Variants in ABCC4 observed in about 807,000 individuals in gnomAD.
The protein encoded by ABCC4 is ATP binding cassette subfamily C member 4 (PEL blood group).
Under a neutral mutation model 168.5 loss-of-function variants are expected in ABCC4, and 102 were observed. The observed-to-expected ratio is 0.61, with a 90% CI of 0.52 to 0.71. The LOEUF (loss-of-function observed/expected upper bound fraction) is 0.71. Ranked by LOEUF, ABCC4 falls within the 30% of genes least tolerant of loss-of-function variation. The pLI, the probability that ABCC4 is intolerant of heterozygous loss-of-function variation, is 0.00. For missense variants in ABCC4, 1,402 were observed against 1,605.8 expected (o/e 0.87, Z 2.17); for synonymous variants, 617 against 590.7 (o/e 1.04, Z -0.65).
intron 3 of ABCC4, among the ~76,000 whole-genome samples, chr13:95,240,531 A>AACACACAC (rs56298285): frequency 2.0e-5 from 3 of 149,548 alleles, no homozygotes; most frequent in African/African-American, 7.4e-5. Flanking sequence ...TCCATCTCAA[A>AACACACAC]ACACACACAC....
rs1044106216 is a variant in ABCC4, at chr13:95,097,820, C to T, written c.2536-14530G>A. 4.6e-5 allele frequency among the ~76,000 whole-genome samples: 7 copies of T among 151,640 alleles called. No individual in the cohort carries two copies. The South Asian group carries it at 1.0e-3, about 23-fold the overall frequency. On this transcript the variant is annotated intron_variant, in intron 20 of 30. Transcript: ENST00000645237. The stretch of plus-strand genomic sequence containing the variant: ...AAGTTATATACTCCATAATAACTCA[C>T]TACTAAAATATTACTTCAGAAAGTC...
At chr13:95,170,508 G>A (rs200897768) in intron 14 of ABCC4, 24 bp downstream of exon 14, 11 of 1,516,342 alleles carry the variant, frequency 7.3e-6, no homozygotes, top group Admixed American at 7.2e-5. Context: ...TTGCAAGTTC[G>A]GGAGACCTCT....
chr13:95,156,863 T>C (rs1334754632), intron 19 of ABCC4, among the ~76,000 whole-genome samples: 2 of 151,990 alleles, frequency 1.3e-5, no homozygotes, highest in East Asian at 1.9e-4. Context: ...GAGGCCAAGA[T>C]GGGTGGATCA....
intron 9 of ABCC4, among the ~76,000 whole-genome samples, chr13:95,189,422 T>C (rs12871194): frequency 6.6e-6 from 1 of 152,160 alleles, no homozygotes; most frequent in South Asian, 2.1e-4. Context: ...CGCCCGGCAA[T>C]ATTCTTAATA....
intron 1 of ABCC4, among the ~76,000 whole-genome samples, chr13:95,274,152 T>A (rs1342366909): frequency 6.6e-6 from 1 of 152,242 alleles, no homozygotes; most frequent in Non-Finnish European, 1.5e-5. Flanking sequence ...CTTTAGCTTT[T>A]CACTGTTCTG....
chr13:95,126,916 TA>T (rs944897217), intron 19 of ABCC4, among the ~76,000 whole-genome samples: 10 of 134,468 alleles, frequency 7.4e-5, no homozygotes, highest in African/African-American at 2.7e-4. Flanking sequence ...ATTAAAAAGC[TA>T]GGGGGGAAAT....
Position 95,166,174 on chromosome 13 carries a change from G to A in ABCC4, c.2018C>T (p.Ala673Val), listed in dbSNP as rs768299533. ...TGAACTCACATCTTGGCTCTCCAGAGCACCATCTTTCAAGGAGGGTCTAGA... is the reference window on the plus strand; with the variant it reads ...TGAACTCACATCTTGGCTCTCCAGAACACCATCTTTCAAGGAGGGTCTAGA... ...QSSRPSLKDGALESQDTENVP... is the reference protein window; with the variant it reads ...QSSRPSLKDGVLESQDTENVP... Residue 673 changes from alanine to valine, a missense_variant, in exon 15 of 31, where the codon GCT becomes GTT. Coordinates refer to ENST00000645237, the MANE Select transcript of ABCC4 (RefSeq NM_005845.5). 11 of 1,614,050 alleles carry A rather than the reference G, an allele frequency of 6.8e-6. No homozygotes were observed. In the East Asian group the frequency reaches 2.5e-4, roughly 36 times the overall value.
In ABCC4 at chr13:95,194,924, A is replaced by G. The variant is rs1036545604; in HGVS notation, c.1175T>C (p.Leu392Pro). The change falls in exon 9 of 31, where the codon CTT (leucine) becomes CCT (proline). Residue 392 changes from leucine (L) to proline (P), a missense_variant. Leu to Pro is a moderately conservative substitution (Grantham distance 98). Transcript: ENST00000645237. Reference protein sequence around the residue: ...SIRRIQTFLLLDEISQRNRQL... With the variant: ...SIRRIQTFLLPDEISQRNRQL... ...ACGGTTGCGCTGTGATATCTCATCA[A>G]GTAGCAAAAAGGTCTAAAGAAAATG... 3 of 1,614,022 alleles carry G rather than the reference A, an allele frequency of 1.9e-6. No individual in the cohort carries two copies. The highest frequency in any genetic ancestry group is 2.5e-6 in the Non-Finnish European group (3 of 1,179,950).
At chr13:95,190,636 C>T (rs1047638282) in intron 9 of ABCC4, among the ~76,000 whole-genome samples, 10 of 152,106 alleles carry the variant, frequency 6.6e-5, no homozygotes, top group African/African-American at 1.4e-4. Context: ...GAACCTCAAC[C>T]GTAAAAACTG....
In ABCC4 at chr13:95,255,018, T is replaced by A. The variant is rs1774975080; in HGVS notation, c.75-7265A>T. Among the ~76,000 whole-genome samples the A allele has an allele frequency of 1.3e-5, 2 of 152,204 alleles. 1 individual carries two copies. Among genetic ancestry groups the A allele is most frequent in the South Asian group, 4.1e-4 (2 of 4,826 alleles). Reference sequence around the variant, plus strand: ...TCCATTACGAGTCCATGATATCAACTTCTCAGTTACAAATATAAATATTAA... The same window carrying A: ...TCCATTACGAGTCCATGATATCAACATCTCAGTTACAAATATAAATATTAA... On this transcript the variant is annotated intron_variant, in intron 1 of 30. Coordinates refer to ENST00000645237, the MANE Select transcript of ABCC4 (RefSeq NM_005845.5).
At chr13:95,230,636 G>A (rs59815481) in intron 4 of ABCC4, among the ~76,000 whole-genome samples, 3,925 of 152,162 alleles carry the variant, frequency 0.026, 131 homozygotes, top group East Asian at 0.084. Flanking sequence ...TTAGCCTGGC[G>A]TGGTGGCAGG....
Position 95,247,758 on chromosome 13 carries a change from T to A in ABCC4, c.75-5A>T, listed in dbSNP as rs1026964230. The A allele has an allele frequency of 3.1e-6, 5 of 1,606,028 alleles. No homozygotes were observed. Among genetic ancestry groups the A allele is most frequent in the Non-Finnish European group, 3.4e-6 (4 of 1,172,820 alleles). On this transcript the variant is annotated splice_polypyrimidine_tract_variant and splice_region_variant and intron_variant, in intron 1 of 30. Transcript: ENST00000645237. ...TTAAACAAGGGATTGAGCCACCTGT[T>A]AACAAGAGAAAAGAGACATATATCC...
chr13:95,259,656 G>A (rs1273354245), intron 1 of ABCC4, among the ~76,000 whole-genome samples: 2 of 152,166 alleles, frequency 1.3e-5, no homozygotes, highest in Non-Finnish European at 2.9e-5. Flanking sequence ...AGCCTTTCTG[G>A]ACAGGCTATA....
At chr13:95,035,825 A>G (rs1294085046) in intron 29 of ABCC4, among the ~76,000 whole-genome samples, 2 of 152,176 alleles carry the variant, frequency 1.3e-5, no homozygotes, top group African/African-American at 4.8e-5. Flanking sequence ...CCATATTTAG[A>G]GTAAATTTAT....
chr13:95,044,527 T>A (rs1252942597), intron 27 of ABCC4, 89 bp from the exon 28 acceptor site: 1 of 1,188,102 alleles, frequency 8.4e-7, no homozygotes, highest in Non-Finnish European at 1.1e-6. Context: ...TTCAAGTCCC[T>A]TCTCTCGAGA....
At chr13:95,198,950 G>GC (rs1464235274) in intron 8 of ABCC4, among the ~76,000 whole-genome samples, 1 of 152,038 alleles carries the variant, frequency 6.6e-6, no homozygotes, top group African/African-American at 2.4e-5. Flanking sequence ...ACACACCAGG[G>GC]CCTGTCAGAG....
chr13:95,062,634 T>C (rs765416793), intron 26 of ABCC4, 70 bp downstream of exon 26: 10 of 1,375,860 alleles, frequency 7.3e-6, no homozygotes, highest in South Asian at 3.0e-5. Context: ...AAAAAAGCAA[T>C]AAGAGTAAAA....
chr13:95,247,651 C>A lies in ABCC4; in HGVS notation c.177G>T (p.Glu59Asp), dbSNP rs750090012. 45 of 1,613,244 alleles carry A rather than the reference C, an allele frequency of 2.8e-5. No homozygotes were observed. The highest frequency in any genetic ancestry group is 3.4e-5 in the Non-Finnish European group (40 of 1,179,418). The change falls in exon 2 of 31, where the codon GAG (glutamate) becomes GAT (aspartate). Residue 59 changes from glutamate (E) to aspartate (D), a missense_variant. This residue lies in a region of ABCC4 where 317 missense variants were observed against 345.5 expected (regional missense o/e 0.92). Transcript: ENST00000645237. Reference protein sequence around the residue: ...PEDRSQHLGEELQGFWDKEVL... With the variant: ...PEDRSQHLGEDLQGFWDKEVL... ...TACTGCCTCCGACTTACCCTTGCAA[C>A]TCCTCTCCAAGGTGCTGTGAGCGGT...
At chr13:95,131,906 T>C (rs1188435997) in intron 19 of ABCC4, among the ~76,000 whole-genome samples, 1 of 151,864 alleles carries the variant, frequency 6.6e-6, no homozygotes, top group Admixed American at 6.6e-5. Flanking sequence ...CCCCAAATTA[T>C]GAAACACACA....
Sources: gnomAD v4.1 joint callset for allele counts (sites outside exome capture counted in the v4.1 genomes callset) on GRCh38, gnomAD v4.1.1 for gene constraint, gnomAD v4.1.1 regional missense constraint, MANE v1.5 for transcripts, NCBI Gene and HGNC (gene_info 2026-07-23, HGNC 2026-07-21) for gene names.